Variants in ZC3H3 observed in about 807,000 individuals in gnomAD.
The protein encoded by ZC3H3 is zinc finger CCCH domain-containing protein 3.
Under a neutral mutation model 77.3 loss-of-function variants are expected in ZC3H3, and 36 were observed. That is an observed-to-expected ratio of 0.47 (90% CI 0.36 to 0.61). The LOEUF is 0.61. ZC3H3 is among the 20% of genes least tolerant of loss of function. The probability of loss-of-function intolerance (pLI) is 0.00; values close to 1 mark genes in which losing one functional copy is unlikely to be tolerated. For synonymous variants in ZC3H3, 626 were observed against 555.2 expected, an observed-to-expected ratio of 1.13 and a Z score of -1.79; for missense variants, 1,331 against 1,312.2, an observed-to-expected ratio of 1.01 and a Z score of -0.22.
chr8:143,537,819 G>A (rs1020975322), intron 2 of ZC3H3, among the ~76,000 whole-genome samples, 184 bp downstream of exon 2: 1 of 151,948 alleles, frequency 6.6e-6, no homozygotes, highest in African/African-American at 2.4e-5. Context: ...CTAAGTTTAT[G>A]CCGGCCAGGG....
intron 3 of ZC3H3, among the ~76,000 whole-genome samples, chr8:143,524,485 C>G (rs910042910): frequency 1.3e-5 from 2 of 152,242 alleles, no homozygotes; most frequent in African/African-American, 4.8e-5. Flanking sequence ...GCCAGCTGGT[C>G]GGCCTCAAAG....
At chr8:143,540,871 A>T (rs1441224176) in intron 1 of ZC3H3, among the ~76,000 whole-genome samples, 1 of 151,512 alleles carries the variant, frequency 6.6e-6, no homozygotes, top group Non-Finnish European at 1.5e-5. Flanking sequence ...CAGGAGAATC[A>T]CTCGAACCCA....
chr8:143,440,030 G>A lies in ZC3H3; in HGVS notation c.2815+11C>T, dbSNP rs143343836. On this transcript the variant is annotated intron_variant, in intron 11 of 11. Transcript: ENST00000262577. ...GGGCCCTGGGGGCCCGAGCCAGGCC[G>A]TGCTGCCTACCTGAGTCCTTGGTGA... The A allele has an allele frequency of 5.5e-3, 8,289 of 1,500,752 alleles. 445 individuals carry two copies. The African/African-American group carries it at 0.093, about 17-fold the overall frequency. 93.0% of individuals were successfully genotyped at this position (1,500,752 alleles called of 1,614,324 possible). A position where few individuals can be genotyped will look rare whatever the true frequency, so the allele number is the denominator to read the frequency against.
rs968822467 is a variant in ZC3H3, at chr8:143,441,060, C to T, written c.2368G>A (p.Gly790Ser). 14 of 1,473,858 alleles carry T rather than the reference C, an allele frequency of 9.5e-6. No individual in the cohort carries two copies. The highest frequency in any genetic ancestry group is 1.8e-4 in the Middle Eastern group (1 of 5,714). 91.3% of individuals were successfully genotyped at this position (1,473,858 alleles called of 1,614,324 possible). A position where few individuals can be genotyped will look rare whatever the true frequency, so the allele number is the denominator to read the frequency against. Residue 790 changes from glycine to serine, a missense_variant, in exon 10 of 12, where the codon GGC (glycine) becomes AGC (serine). Gly to Ser is a moderately conservative substitution (Grantham distance 56). This residue lies in a region of ZC3H3 where 249 missense variants were observed against 236.9 expected (regional missense o/e 1.05). Transcript: ENST00000262577. ...CGGTGGAGCAGCTGGCACTGGGCGC[C>T]GCGGGGACACGCCCCCCTGCGGGCA... is the stretch of plus-strand genomic sequence containing the variant. ...DFARRGACPRGAQCQLLHRTQ... is the reference protein window; with the variant it reads ...DFARRGACPRSAQCQLLHRTQ...
At chr8:143,445,006 T>C (rs1053998042) in intron 9 of ZC3H3, among the ~76,000 whole-genome samples, 1 of 152,246 alleles carries the variant, frequency 6.6e-6, no homozygotes, top group Non-Finnish European at 1.5e-5. Flanking sequence ...ATTATATTTC[T>C]ATACGCCAAT....
chr8:143,485,253 G>A (rs1821021497), intron 4 of ZC3H3, among the ~76,000 whole-genome samples: 1 of 152,202 alleles, frequency 6.6e-6, no homozygotes, highest in South Asian at 2.1e-4. Flanking sequence ...GAAATCCTAA[G>A]AAGAAGAAAA....
Position 143,481,297 on chromosome 8 carries a change from T to C in ZC3H3, c.1716-5712A>G, listed in dbSNP as rs146894480. Among the ~76,000 whole-genome samples, 290 of 152,298 alleles carry C rather than the reference T, an allele frequency of 1.9e-3. 9 individuals are homozygous for C. Among genetic ancestry groups the C allele is most frequent in the Admixed American group, 0.013 (205 of 15,300 alleles). ...AGACCCTCATCTGGAGGAGAGCTGC[T>C]GATGGGAACCAGGGGCTCCTTCCCC... On this transcript the variant is annotated intron_variant, in intron 4 of 11. Coordinates refer to ENST00000262577, the MANE Select transcript of ZC3H3 (RefSeq NM_015117.3).
At chr8:143,448,374 A>G (rs1819910583) in intron 9 of ZC3H3, among the ~76,000 whole-genome samples, 1 of 152,204 alleles carries the variant, frequency 6.6e-6, no homozygotes. Flanking sequence ...CAAGTTAGTG[A>G]CTTCCAAGAT....
chr8:143,442,528 G>T (rs2129791836), intron 9 of ZC3H3, among the ~76,000 whole-genome samples: 1 of 152,268 alleles, frequency 6.6e-6, no homozygotes, highest in East Asian at 1.9e-4. Flanking sequence ...GGGCGTGGGG[G>T]TGTGCAGGTC....
chr8:143,497,389 C>A (rs1005039386), intron 4 of ZC3H3, among the ~76,000 whole-genome samples: 2 of 152,178 alleles, frequency 1.3e-5, no homozygotes, highest in African/African-American at 4.8e-5. Context: ...CTCATCCCTG[C>A]AGCTGGGTGG....
chr8:143,522,069 G>A (rs772907240), intron 3 of ZC3H3, among the ~76,000 whole-genome samples: 8 of 152,236 alleles, frequency 5.3e-5, no homozygotes, highest in African/African-American at 1.7e-4. Context: ...CCCTGTAAGC[G>A]TGTGGCCCAG....
intron 9 of ZC3H3, among the ~76,000 whole-genome samples, chr8:143,441,338 A>G (rs901280248): frequency 6.6e-6 from 1 of 152,170 alleles, no homozygotes; most frequent in African/African-American, 2.4e-5. Context: ...CCCTCAGCCA[A>G]CTGTAGGCCC....
intron 8 of ZC3H3, among the ~76,000 whole-genome samples, chr8:143,466,814 C>T (rs1364310052): frequency 1.3e-5 from 2 of 152,236 alleles, no homozygotes. Flanking sequence ...AGACCACCCT[C>T]CCTGCTCCCA....
intron 5 of ZC3H3, among the ~76,000 whole-genome samples, chr8:143,470,806 T>A (rs920603094): frequency 6.6e-6 from 1 of 152,158 alleles, no homozygotes; most frequent in South Asian, 2.1e-4. Context: ...AAAATGCACA[T>A]AAAATAGCTG....
At chr8:143,452,247 C>T (rs74528256) in intron 9 of ZC3H3, among the ~76,000 whole-genome samples, 19,686 of 152,240 alleles carry the variant, frequency 0.13, 1,547 homozygotes, top group East Asian at 0.25. Context: ...CCATCCCCCA[C>T]GGAGTCAGTG....
In ZC3H3 at chr8:143,460,689, A is replaced by G. The variant is rs544846192; in HGVS notation, c.2307+5028T>C. On this transcript the variant is annotated intron_variant, in intron 9 of 11. Transcript: ENST00000262577. The surrounding 1 kb of genome is among the most constrained non-coding windows in gnomAD (Gnocchi z 4.0). ...GGAACTAACAAAACGCAGTGCACAC[A>G]CAACGGAATGTTACTCTACCATAAG... Among the ~76,000 whole-genome samples the G allele has an allele frequency of 4.8e-4, 73 of 152,336 alleles. 1 individual carries two copies. The South Asian group carries it at 0.015, about 31-fold the overall frequency.
intron 3 of ZC3H3, among the ~76,000 whole-genome samples, chr8:143,524,752 C>G (rs146041375): frequency 1.3e-5 from 2 of 152,246 alleles, no homozygotes; most frequent in Non-Finnish European, 2.9e-5. Flanking sequence ...TTCAGCTCCC[C>G]GGGGGAACAA....
Position 143,437,705 on chromosome 8 carries a change from G to C in ZC3H3, c.*351C>G. Reference sequence around the variant, plus strand: ...CTGAACATAAAACACCTGCCTGGGAGGCCTGGCCAGTGGCCTCTTCACTGG... The same window carrying C: ...CTGAACATAAAACACCTGCCTGGGACGCCTGGCCAGTGGCCTCTTCACTGG... On this transcript the variant is annotated 3_prime_UTR_variant, in exon 12 of 12. Transcript: ENST00000262577. 1 of 382,566 alleles carries C rather than the reference G, an allele frequency of 2.6e-6. No homozygotes were observed. Among genetic ancestry groups the C allele is most frequent in the South Asian group, 3.2e-5 (1 of 30,902 alleles). 23.7% of individuals were successfully genotyped at this position (382,566 alleles called of 1,614,324 possible). A position where few individuals can be genotyped will look rare whatever the true frequency, so the allele number is the denominator to read the frequency against.
intron 4 of ZC3H3, among the ~76,000 whole-genome samples, chr8:143,496,568 A>C (rs886134450): frequency 6.6e-6 from 1 of 152,222 alleles, no homozygotes; most frequent in Non-Finnish European, 1.5e-5. Flanking sequence ...CCGTTAAAGC[A>C]AATCAACAAC....
Sources: allele counts gnomAD v4.1 joint callset (sites outside exome capture counted in the v4.1 genomes callset), GRCh38; gene constraint gnomAD v4.1.1; regional missense constraint gnomAD v4.1.1; non-coding constraint Gnocchi (gnomAD v3.1); transcripts MANE v1.5; gene names NCBI Gene and HGNC (gene_info 2026-07-23, HGNC 2026-07-21).